Variants in NIBAN1 observed in about 807,000 individuals in gnomAD.
NIBAN1 encodes the protein protein Niban 1.
In NIBAN1, 81 loss-of-function variants were observed where a neutral mutation model predicts 75.1. The ratio of observed to expected loss-of-function variants is 1.08; its 90% CI spans 0.90 to 1.30. The LOEUF (loss-of-function observed/expected upper bound fraction) is 1.30. NIBAN1 is among the 50% of genes most tolerant of loss of function. The pLI, the probability that NIBAN1 is intolerant of heterozygous loss-of-function variation, is 0.00. For missense variants in NIBAN1, 1,133 were observed against 1,128.1 expected (o/e 1.00, Z -0.06); for synonymous variants, 436 against 424.8 (o/e 1.03, Z -0.32).
In NIBAN1 at chr1:184,890,037, G is replaced by A. The variant is rs548416902; in HGVS notation, c.433+71C>T. 6.6e-6 allele frequency: 8 copies of A among 1,203,636 alleles called. No homozygotes were observed. In the African/African-American group the frequency reaches 7.5e-5, roughly 11 times the overall value. The allele number at this position is 1,203,636 out of a possible 1,614,324, so 74.6% of individuals were successfully genotyped here. Reference sequence around the variant, plus strand: ...TGGAGGGAAATCCCTCTCCTTCACAGAGAAACACTGCTCCAGCTAAACAAA... The same window carrying A: ...TGGAGGGAAATCCCTCTCCTTCACAAAGAAACACTGCTCCAGCTAAACAAA... On this transcript the variant is annotated intron_variant, in intron 4 of 13. Coordinates refer to ENST00000367511, the MANE Select transcript of NIBAN1 (RefSeq NM_052966.4).
At chr1:184,918,516 C>A (rs1173786582) in intron 1 of NIBAN1, among the ~76,000 whole-genome samples, 1 of 152,154 alleles carries the variant, frequency 6.6e-6, no homozygotes, top group Non-Finnish European at 1.5e-5. Flanking sequence ...GGCTATGGCA[C>A]GTTCCCCACA....
At chr1:184,917,147 C>A (rs1290203966) in intron 1 of NIBAN1, among the ~76,000 whole-genome samples, 1 of 152,014 alleles carries the variant, frequency 6.6e-6, no homozygotes, top group African/African-American at 2.4e-5. Context: ...CCAGCCTGGG[C>A]TGGACTCATT....
At chr1:184,824,339 T>TCC (rs1464948492) in intron 6 of NIBAN1, among the ~76,000 whole-genome samples, 3 of 152,050 alleles carry the variant, frequency 2.0e-5, no homozygotes, top group African/African-American at 7.2e-5. Flanking sequence ...TACCACTGCA[T>TCC]CCCACCATGC....
At chr1:184,885,459 G>A (rs1398852467) in intron 4 of NIBAN1, among the ~76,000 whole-genome samples, 2 of 152,146 alleles carry the variant, frequency 1.3e-5, no homozygotes, top group East Asian at 3.9e-4. Flanking sequence ...ACAGGCATGA[G>A]CCACCGCGCC....
chr1:184,899,442 A>G, intron 1 of NIBAN1, 133 bp from the exon 2 acceptor site: 2 of 902,436 alleles, frequency 2.2e-6, no homozygotes, highest in Non-Finnish European at 3.3e-6. Flanking sequence ...CCCTCCAGTC[A>G]CCCCTGTTTC....
In NIBAN1 at chr1:184,826,772, A is replaced by C. The variant is rs542426755; in HGVS notation, c.718-3030T>G. 9.3e-4 allele frequency among the ~76,000 whole-genome samples: 141 copies of C among 152,342 alleles called. 3 individuals carry two copies. In the South Asian group the frequency reaches 0.027, roughly 29 times the overall value. On this transcript the variant is annotated intron_variant, in intron 6 of 13. Coordinates refer to ENST00000367511, the MANE Select transcript of NIBAN1 (RefSeq NM_052966.4). ...TTTAGTCTTTCCCACACAATGTTCC[A>C]AGAAATTTGGCTCTATGTTACAACT...
chr1:184,940,386 A>C (rs1246335889), intron 1 of NIBAN1, among the ~76,000 whole-genome samples: 3 of 152,158 alleles, frequency 2.0e-5, no homozygotes, highest in African/African-American at 7.2e-5. Context: ...CCTCCAAATT[A>C]CTTTAGCAGG....
At chr1:184,950,895 C>A (rs1325067776) in intron 1 of NIBAN1, among the ~76,000 whole-genome samples, 1 of 152,182 alleles carries the variant, frequency 6.6e-6, no homozygotes, top group Non-Finnish European at 1.5e-5. Flanking sequence ...ATATTGTGAG[C>A]ATATATCATC....
chr1:184,896,380 CCTTTG>C (rs1388924113), intron 2 of NIBAN1, among the ~76,000 whole-genome samples: 2 of 152,000 alleles, frequency 1.3e-5, no homozygotes, highest in African/African-American at 2.4e-5. Context: ...CTGTTCATGT[CCTTTG>C]CCCAGTTTTT....
At chr1:184,801,622 T>G (rs578128614) in intron 12 of NIBAN1, among the ~76,000 whole-genome samples, 1 of 152,314 alleles carries the variant, frequency 6.6e-6, no homozygotes, top group Non-Finnish European at 1.5e-5. Flanking sequence ...AGTTTGGCAC[T>G]TTCCTTGGAA....
intron 1 of NIBAN1, among the ~76,000 whole-genome samples, chr1:184,949,757 T>A (rs1248183380): frequency 6.6e-6 from 1 of 152,230 alleles, no homozygotes; most frequent in East Asian, 1.9e-4. Context: ...CTATTAAAAC[T>A]GAACTAGGAT....
chr1:184,961,468 C>T (rs1177215014), intron 1 of NIBAN1, among the ~76,000 whole-genome samples: 1 of 152,182 alleles, frequency 6.6e-6, no homozygotes, highest in African/African-American at 2.4e-5. Flanking sequence ...TATCTCATCT[C>T]CTTGCCCAAT....
chr1:184,894,341 C>T (rs1033652851), intron 2 of NIBAN1, 135 bp from the exon 3 acceptor site: 1 of 885,914 alleles, frequency 1.1e-6, no homozygotes, highest in African/African-American at 1.7e-5. Flanking sequence ...CTGTTGCTTC[C>T]TCCTCTCCCC....
At chr1:184,959,695 G>A (rs866844128) in intron 1 of NIBAN1, among the ~76,000 whole-genome samples, 3 of 152,098 alleles carry the variant, frequency 2.0e-5, no homozygotes, top group Middle Eastern at 3.2e-3. Flanking sequence ...ATCTGTTTGA[G>A]GTTTGCTTTT....
intron 10 of NIBAN1, 91 bp from the exon 11 acceptor site, chr1:184,806,147 G>A (rs1455841521): frequency 7.2e-6 from 7 of 971,416 alleles, no homozygotes; most frequent in South Asian, 4.3e-5. Context: ...CAGAGTAGGG[G>A]CCATCAGAGA....
At chr1:184,818,902 G>C (rs1030511445) in intron 8 of NIBAN1, 77 bp from the exon 9 acceptor site, 2 of 1,477,678 alleles carry the variant, frequency 1.4e-6, no homozygotes, top group Admixed American at 4.1e-5. Context: ...GACCAGAGCT[G>C]AATGGTGCCC....
At chr1:184,821,971 G>A (rs186834788) in intron 8 of NIBAN1, among the ~76,000 whole-genome samples, 4 of 152,264 alleles carry the variant, frequency 2.6e-5, no homozygotes, top group Non-Finnish European at 4.4e-5. Flanking sequence ...GCAGTGGAAA[G>A]GGGGCCTGAA....
intron 1 of NIBAN1, among the ~76,000 whole-genome samples, chr1:184,939,190 T>C (rs1658030840): frequency 6.6e-6 from 1 of 152,250 alleles, no homozygotes; most frequent in Non-Finnish European, 1.5e-5. Context: ...AAAGGTGAGA[T>C]ACAGCATATT....
In NIBAN1 at chr1:184,863,009, C is replaced by T. The variant is rs147212950; in HGVS notation, c.601+21624G>A. Among the ~76,000 whole-genome samples the T allele has an allele frequency of 3.9e-5, 6 of 152,152 alleles. No homozygotes were observed. The East Asian group carries it at 5.8e-4, about 15-fold the overall frequency. On this transcript the variant is annotated intron_variant, in intron 5 of 13. Transcript: ENST00000367511. ...CTCCTTTTTCCCACCCTCCAGCCTC[C>T]GGAGGCACCCCTGTGTGTTGTTTCT...
Sources: allele counts gnomAD v4.1 joint callset (sites outside exome capture counted in the v4.1 genomes callset), GRCh38; gene constraint gnomAD v4.1.1; transcripts MANE v1.5; gene names NCBI Gene and HGNC (gene_info 2026-07-23, HGNC 2026-07-21).